IGLL1: variants seen among roughly 807,000 people sequenced by gnomAD.
The protein encoded by IGLL1 is immunoglobulin lambda like polypeptide 1, also known as immunoglobulin lambda-like polypeptide 1.
Under a neutral mutation model 10.5 loss-of-function variants are expected in IGLL1, and 10 were observed. The ratio of observed to expected loss-of-function variants is 0.95; its 90% CI spans 0.59 to 1.62. The LOEUF is 1.62. IGLL1 is among the 40% of genes most tolerant of loss of function. The pLI, the probability that IGLL1 is intolerant of heterozygous loss-of-function variation, is 0.00. For missense variants in IGLL1, 284 were observed against 278.7 expected (o/e 1.02, Z -0.14); for synonymous variants, 141 against 122.7 (o/e 1.15, Z -0.99).
chr22:23,578,371 A>G (rs903337377), intron 1 of IGLL1, among the ~76,000 whole-genome samples: 2 of 151,798 alleles, frequency 1.3e-5, no homozygotes, highest in African/African-American at 4.8e-5. Flanking sequence ...CTGTCTCCTC[A>G]CCCGGCCCCC....
chr22:23,580,002 C>T lies in IGLL1; in HGVS notation c.189G>A (p.Leu63=), dbSNP rs1456515131. 1.3e-6 allele frequency: 2 copies of T among 1,584,284 alleles called. No homozygotes were observed. The highest frequency in any genetic ancestry group is 1.7e-4 in the Middle Eastern group (1 of 5,994). Residue 63 remains leucine, a synonymous_variant, in exon 1 of 3, where the codon CTG becomes CTA. Transcript: ENST00000330377. ...CCCCTTACCTGCCCCACCGGCTCCT[C>T]AGGCTGGACCGGCTGCTTCCTCCAG... ...GAPGGSSRSS[L]RSRWGRFLLQ...
At chr22:23,579,538 GC>G (rs1356310882) in intron 1 of IGLL1, among the ~76,000 whole-genome samples, 10 of 151,134 alleles carry the variant, frequency 6.6e-5, no homozygotes, top group Non-Finnish European at 1.2e-4. Flanking sequence ...AGTGGCCCCT[GC>G]CCAGTGAGGG....
chr22:23,575,006 T>A lies in IGLL1; in HGVS notation c.283A>T (p.Thr95Ser). The A allele has an allele frequency of 1.2e-6, 2 of 1,614,074 alleles. No homozygotes were observed. The highest frequency in any genetic ancestry group is 1.7e-6 in the Non-Finnish European group (2 of 1,179,956). Residue 95 changes from threonine to serine, a missense_variant, in exon 2 of 3, where the codon ACG becomes TCG. Physicochemically the swap from Thr to Ser is moderately conservative, Grantham distance 58 (BLOSUM62 1). Coordinates refer to ENST00000330377, the MANE Select transcript of IGLL1 (RefSeq NM_020070.4). ...TGGGTCCCGCTGCCAAACACATGCG[T>A]CACTGAGTTATGCTTGGATTGAAAC... ...RGFQSKHNSV[T>S]HVFGSGTQLT... is the part of the protein sequence containing the mutation.
In IGLL1 at chr22:23,573,426, T is replaced by G; in HGVS notation, c.482A>C (p.Glu161Ala). 6.2e-7 allele frequency: 1 copy of G among 1,613,906 alleles called. No homozygotes were observed. The highest frequency in any genetic ancestry group is 1.1e-5 in the South Asian group (1 of 91,072). The change falls in exon 3 of 3, where the codon GAG becomes GCG. Residue 161 changes from glutamate (E) to alanine (A), a missense_variant. Transcript: ENST00000330377. The stretch of plus-strand genomic sequence containing the variant: ...GCTCTGTTTGGAGGGCGTGGTCATC[T>G]CCACGCCCTGGGTGATGGGGGTACC... Reference protein sequence around the residue: ...ADGTPITQGVEMTTPSKQSNN... With the variant: ...ADGTPITQGVAMTTPSKQSNN...
intron 2 of IGLL1, 72 bp downstream of exon 2, chr22:23,574,895 C>T (rs1454659227): frequency 2.9e-6 from 3 of 1,047,586 alleles, no homozygotes; most frequent in Non-Finnish European, 4.4e-6. Flanking sequence ...GGGGAAGAAG[C>T]CCCAGAGAGA....
Position 23,573,509 on chromosome 22 carries a change from C to T in IGLL1, c.399G>A (p.Leu133=). ...GATAAAAGTCATTCATGAGACACAC[C>T]AGTGTAGCCTTGTTGGCTTGGAGCT... ...SEELQANKAT[L]VCLMNDFYPG... Residue 133 remains leucine (L), a synonymous_variant, in exon 3 of 3, where the codon CTG becomes CTA. Transcript: ENST00000330377. 5.6e-6 allele frequency: 9 copies of T among 1,613,880 alleles called. No homozygotes were observed. Among genetic ancestry groups the T allele is most frequent in the African/African-American group, 1.3e-5 (1 of 75,010 alleles).
intron 2 of IGLL1, among the ~76,000 whole-genome samples, 174 bp downstream of exon 2, chr22:23,574,793 G>A (rs1924973364): frequency 6.6e-6 from 1 of 152,088 alleles, no homozygotes; most frequent in South Asian, 2.1e-4. Context: ...CCCACTGTGG[G>A]GGCCCTTCCT....
intron 1 of IGLL1, among the ~76,000 whole-genome samples, chr22:23,579,007 T>C (rs2123703724): frequency 6.6e-6 from 1 of 151,782 alleles, no homozygotes; most frequent in East Asian, 1.9e-4. Context: ...GAAACTCAGG[T>C]CCCAGAGATG....
chr22:23,574,457 C>T (rs1412297835), intron 2 of IGLL1, among the ~76,000 whole-genome samples: 1 of 151,978 alleles, frequency 6.6e-6, no homozygotes, highest in Non-Finnish European at 1.5e-5. Context: ...TCCCCATGCC[C>T]TGAAGACCCA....
At chr22:23,578,036 A>G (rs1233269752) in intron 1 of IGLL1, among the ~76,000 whole-genome samples, 1 of 151,672 alleles carries the variant, frequency 6.6e-6, no homozygotes, top group African/African-American at 2.4e-5. Context: ...GGCTCGCGCC[A>G]CCACGCCCAG....
Position 23,580,141 on chromosome 22 carries a change from C to T in IGLL1, c.50G>A (p.Gly17Asp). 1.9e-6 allele frequency: 3 copies of T among 1,556,790 alleles called. No homozygotes were observed. The South Asian group carries it at 3.5e-5, about 18-fold the overall frequency. ...GGGCCAGCGCTGCCTGAGGTTGGGG[C>T]CTGGCTCACCAGGGGCCTCAAGGCC... ...QGGLEAPGEP[G>D]PNLRQRWPLL... is the part of the protein sequence containing the mutation. Residue 17 changes from glycine to aspartate, a missense_variant, in exon 1 of 3, where the codon GGC (glycine) becomes GAC (aspartate). Gly to Asp is a moderately conservative substitution (Grantham distance 94, BLOSUM62 -1). Transcript: ENST00000330377.
chr22:23,580,192 G>A lies in IGLL1; in HGVS notation c.-2C>T, dbSNP rs1225346780. ...CCCCTGGCCTGTCCCTGGCCTCATC[G>A]GCCCTCAGGGTCAGAGGTCCTTGTG... On this transcript the variant is annotated 5_prime_UTR_variant, in exon 1 of 3. Coordinates refer to ENST00000330377, the MANE Select transcript of IGLL1 (RefSeq NM_020070.4). 6 of 1,538,346 alleles carry A rather than the reference G, an allele frequency of 3.9e-6. No individual in the cohort carries two copies. The highest frequency in any genetic ancestry group is 1.4e-5 in the African/African-American group (1 of 73,124).
intron 2 of IGLL1, among the ~76,000 whole-genome samples, chr22:23,574,582 T>C (rs1244522457): frequency 6.6e-6 from 1 of 152,126 alleles, no homozygotes; most frequent in Non-Finnish European, 1.5e-5. Flanking sequence ...CCAGGCTGGA[T>C]GGGCATCCAG....
At position 23,580,137 on chromosome 22, in the gene IGLL1, G is replaced by C. The variant is rs1437649021; in HGVS notation, c.54C>G (p.Pro18=). The change falls in exon 1 of 3, where the codon CCC becomes CCG. Residue 18 remains proline (P), a synonymous_variant. Transcript: ENST00000330377. ...GGLEAPGEPG[P]NLRQRWPLLL... ...GCAGGGGCCAGCGCTGCCTGAGGTTGGGGCCTGGCTCACCAGGGGCCTCAA... is the reference window on the plus strand; with the variant it reads ...GCAGGGGCCAGCGCTGCCTGAGGTTCGGGCCTGGCTCACCAGGGGCCTCAA... 1 of 1,558,840 alleles carries C rather than the reference G, an allele frequency of 6.4e-7. No homozygotes were observed. Among genetic ancestry groups the C allele is most frequent in the Admixed American group, 1.9e-5 (1 of 52,100 alleles).
At chr22:23,575,291 C>A (rs1925005473) in intron 1 of IGLL1, among the ~76,000 whole-genome samples, 3 of 152,142 alleles carry the variant, frequency 2.0e-5, no homozygotes, top group Admixed American at 6.5e-5. Context: ...CAGCAACTCC[C>A]TGAGTGACAC....
At chr22:23,578,370 C>G (rs757450658) in intron 1 of IGLL1, among the ~76,000 whole-genome samples, 15 of 152,342 alleles carry the variant, frequency 9.8e-5, no homozygotes, top group Admixed American at 4.6e-4. Context: ...GCTGTCTCCT[C>G]ACCCGGCCCC....
chr22:23,580,084 T>A lies in IGLL1; in HGVS notation c.107A>T (p.His36Leu). The change falls in exon 1 of 3, where the codon CAT (histidine) becomes CTT (leucine). Residue 36 changes from histidine (H) to leucine (L), a missense_variant. Transcript: ENST00000330377. ...LLLLGLAVVT[H>L]GLLRPTAASQ... ...TGCAGCTGTTGGGCGCAGCAGGCCA[T>A]GGGTTACCACGGCCAGACCCAGCAG... 6.4e-7 allele frequency: 1 copy of A among 1,572,186 alleles called. No homozygotes were observed. The highest frequency in any genetic ancestry group is 8.6e-7 in the Non-Finnish European group (1 of 1,161,216).
intron 1 of IGLL1, among the ~76,000 whole-genome samples, chr22:23,577,755 C>G (rs1282528164): frequency 6.6e-6 from 1 of 152,076 alleles, no homozygotes; most frequent in Non-Finnish European, 1.5e-5. Flanking sequence ...AGGCTGATCT[C>G]AAACTCCTGG....
chr22:23,579,362 G>C (rs1343452677), intron 1 of IGLL1, among the ~76,000 whole-genome samples: 2 of 152,202 alleles, frequency 1.3e-5, no homozygotes, highest in Non-Finnish European at 2.9e-5. Flanking sequence ...CACACAGGGA[G>C]TTGTGGCCTC....
Sources: allele counts gnomAD v4.1 joint callset (sites outside exome capture counted in the v4.1 genomes callset), GRCh38; gene constraint gnomAD v4.1.1; transcripts MANE v1.5; gene names NCBI Gene and HGNC (gene_info 2026-07-23, HGNC 2026-07-21).